Variants in EXD2 observed in about 807,000 individuals in gnomAD.
EXD2 encodes exonuclease 3'-5' domain containing 2.
In EXD2, 40 loss-of-function variants were observed where a neutral mutation model predicts 62.5. The ratio of observed to expected loss-of-function variants is 0.64; its 90% CI spans 0.50 to 0.83. The LOEUF is 0.83. Ranked by LOEUF, EXD2 falls within the 40% of genes least tolerant of loss-of-function variation. EXD2 has a pLI of 0.00. For missense variants in EXD2, 671 were observed against 761.8 expected, an observed-to-expected ratio of 0.88 and a Z score of 1.40; for synonymous variants, 239 against 291.9, an observed-to-expected ratio of 0.82 and a Z score of 1.85.
intron 1 of EXD2, 28 bp from the exon 2 acceptor site, chr14:69,203,889 C>G (rs1205033153): frequency 6.6e-6 from 1 of 152,200 alleles, no homozygotes; most frequent in East Asian, 1.9e-4. Context: ...TCACAGTAAT[C>G]CTACATAATG....
chr14:69,226,794 A>G (rs914445644), intron 3 of EXD2, among the ~76,000 whole-genome samples: 1 of 145,818 alleles, frequency 6.9e-6, no homozygotes, highest in African/African-American at 2.6e-5. Flanking sequence ...TTTTTTTTTA[A>G]CAGCAGTTCT....
Position 69,242,887 on chromosome 14 carries a change from TAA to T in EXD2, c.*1788_*1789del. 1 of 152,388 alleles carries T rather than the reference TAA, an allele frequency of 6.6e-6. No individual in the cohort carries two copies. The highest frequency in any genetic ancestry group is 1.9e-4 in the East Asian group (1 of 5,194). 9.4% of individuals were successfully genotyped at this position (152,388 alleles called of 1,614,324 possible). On this transcript the variant is annotated 3_prime_UTR_variant, in exon 10 of 10. Transcript: ENST00000685843. ...GTTTCAAATTTTGCATAGCTGATTT[TAA>T]GTCATTTTGATAGCTTTGCAAGAAA...
In EXD2 at chr14:69,242,793, C is replaced by T. The variant is rs2044013799; in HGVS notation, c.*1693C>T. 1 of 152,166 alleles carries T rather than the reference C, an allele frequency of 6.6e-6. No individual in the cohort carries two copies. Among genetic ancestry groups the T allele is most frequent in the Non-Finnish European group, 1.5e-5 (1 of 68,046 alleles). 9.4% of individuals were successfully genotyped at this position (152,166 alleles called of 1,614,324 possible). ...GTCAGGCTTGCCACAAGAGGGCACT[C>T]ATAGATTTGTTTTTATATTCATTCT... On this transcript the variant is annotated 3_prime_UTR_variant, in exon 10 of 10. Coordinates refer to ENST00000685843, the MANE Select transcript of EXD2 (RefSeq NM_001193360.2).
intron 3 of EXD2, among the ~76,000 whole-genome samples, chr14:69,222,860 T>C (rs1186884607): frequency 4.6e-5 from 7 of 152,156 alleles, no homozygotes; most frequent in Admixed American, 4.6e-4. Flanking sequence ...AGAAAAATAG[T>C]GGTGTACAAA....
rs1594732015 is a variant in EXD2, at chr14:69,203,935, C to G, written c.-113C>G. 1 of 152,214 alleles carries G rather than the reference C, an allele frequency of 6.6e-6. No individual in the cohort carries two copies. The allele number at this position is 152,214 out of a possible 1,614,324, so 9.4% of individuals were successfully genotyped here. On this transcript the variant is annotated 5_prime_UTR_variant, in exon 2 of 10. Coordinates refer to ENST00000685843, the MANE Select transcript of EXD2 (RefSeq NM_001193360.2). ...TTCACAGATGAGGAGACTGTCCTTC[C>G]TGTTTCGCAGATGAGGAAACTGAGG...
chr14:69,194,321 G>A (rs2042128513), intron 1 of EXD2, among the ~76,000 whole-genome samples: 1 of 151,642 alleles, frequency 6.6e-6, no homozygotes, highest in Non-Finnish European at 1.5e-5. Context: ...TGTATTTTTA[G>A]TAGAGATGGG....
chr14:69,219,383 C>G (rs2043094695), intron 3 of EXD2, among the ~76,000 whole-genome samples: 1 of 152,118 alleles, frequency 6.6e-6, no homozygotes, highest in Non-Finnish European at 1.5e-5. Flanking sequence ...TTTTCTTTAT[C>G]CATTCTTCTG....
rs1041840100 is a variant in EXD2, at chr14:69,203,926, C to T, written c.-122C>T. 2 of 152,320 alleles carry T rather than the reference C, an allele frequency of 1.3e-5. No individual in the cohort carries two copies. The highest frequency in any genetic ancestry group is 1.3e-4 in the Admixed American group (2 of 15,298). The allele number at this position is 152,320 out of a possible 1,614,324, so 9.4% of individuals were successfully genotyped here. ...TATTCCTATTTCACAGATGAGGAGA[C>T]TGTCCTTCCTGTTTCGCAGATGAGG... On this transcript the variant is annotated 5_prime_UTR_variant, in exon 2 of 10. Transcript: ENST00000685843.
rs1479520393 is a variant in EXD2 at position 69,230,532 on chromosome 14, T to C, written c.651T>C (p.Phe217=). Residue 217 remains phenylalanine (F), a synonymous_variant, in exon 5 of 10, where the codon TTT becomes TTC. Coordinates refer to ENST00000685843, the MANE Select transcript of EXD2 (RefSeq NM_001193360.2). ...LKSLAETVLN[F]PLDKSLLLRC... ...CCCTCGCTGAGACTGTTTTGAACTT[T>C]CCCCTTGACAAGTCCCTTCTACTTC... The C allele has an allele frequency of 1.2e-6, 2 of 1,614,030 alleles. No homozygotes were observed. Among genetic ancestry groups the C allele is most frequent in the East Asian group, 4.5e-5 (2 of 44,878 alleles).
chr14:69,224,335 AACTC>A (rs1273490378), intron 3 of EXD2: 3 of 152,314 alleles, frequency 2.0e-5, no homozygotes, highest in Non-Finnish European at 2.9e-5. Context: ...ATCTTGTGAG[AACTC>A]ACTCAGTATA....
In EXD2 at chr14:69,212,699, A is replaced by ATTTTCTTTTT. The variant is rs747694470; in HGVS notation, c.333+2900_333+2901insCTTTTTTTTT. ...TGTCACTTGGTTCCAATGGTTCTTG[A>ATTTTCTTTTT]TTTTTTTTTTTTTTTTTTTTTTTTT... is the stretch of plus-strand genomic sequence containing the variant. On this transcript the variant is annotated intron_variant, in intron 3 of 9. Transcript: ENST00000685843. 5.2e-5 allele frequency among the ~76,000 whole-genome samples: 3 copies of ATTTTCTTTTT among 57,316 alleles called. 1 individual carries two copies. The highest frequency in any genetic ancestry group is 9.0e-5 in the Non-Finnish European group (3 of 33,430). The allele number at this position is 57,316 out of a possible 152,430, so 37.6% of individuals were successfully genotyped here.
chr14:69,220,395 C>T (rs1158176174), intron 3 of EXD2, among the ~76,000 whole-genome samples: 6 of 148,384 alleles, frequency 4.0e-5, no homozygotes, highest in Non-Finnish European at 6.0e-5. Context: ...CTCAGCCTCC[C>T]GAGTAGCTGG....
At chr14:69,239,685 C>A (rs986362307) in intron 9 of EXD2, among the ~76,000 whole-genome samples, 1 of 152,090 alleles carries the variant, frequency 6.6e-6, no homozygotes, top group African/African-American at 2.4e-5. Context: ...AATTTTATCC[C>A]CATAACTATT....
intron 4 of EXD2, among the ~76,000 whole-genome samples, chr14:69,230,151 G>A (rs1414132818): frequency 6.6e-5 from 10 of 152,158 alleles, no homozygotes; most frequent in African/African-American, 2.4e-4. Context: ...CACTGCATGG[G>A]TAGGAGTCTC....
At chr14:69,195,894 T>C (rs2042189913) in intron 1 of EXD2, 1 of 152,232 alleles carries the variant, frequency 6.6e-6, no homozygotes, top group Admixed American at 6.5e-5. Flanking sequence ...GGTATATTTA[T>C]TTTGTAGGGC....
chr14:69,194,096 T>A (rs2042118761), intron 1 of EXD2, among the ~76,000 whole-genome samples: 1 of 151,874 alleles, frequency 6.6e-6, no homozygotes, highest in Admixed American at 6.6e-5. Context: ...TGTGTGTGTG[T>A]GATTGTTGTT....
chr14:69,201,415 C>A (rs2042393401), intron 1 of EXD2, among the ~76,000 whole-genome samples: 1 of 151,992 alleles, frequency 6.6e-6, no homozygotes, highest in African/African-American at 2.4e-5. Flanking sequence ...TCTCAAACTC[C>A]TGATCTCAGG....
chr14:69,231,659 A>G (rs1228467002), intron 5 of EXD2, among the ~76,000 whole-genome samples: 4 of 151,956 alleles, frequency 2.6e-5, no homozygotes, highest in Non-Finnish European at 5.9e-5. Flanking sequence ...CAGGTCACTT[A>G]CTTGTTTCAT....
intron 1 of EXD2, among the ~76,000 whole-genome samples, chr14:69,192,293 A>G (rs898695562): frequency 3.3e-5 from 5 of 152,216 alleles, no homozygotes; most frequent in Non-Finnish European, 5.9e-5. Flanking sequence ...AATTGAAATT[A>G]TACTTTATTT....
Sources: allele counts gnomAD v4.1 joint callset (sites outside exome capture counted in the v4.1 genomes callset), GRCh38; gene constraint gnomAD v4.1.1; transcripts MANE v1.5; gene names NCBI Gene and HGNC (gene_info 2026-07-23, HGNC 2026-07-21).